The following CSMD1 variants were observed in gnomAD, a reference collection of about 807,000 sequenced individuals.
CSMD1 encodes CUB and sushi domain-containing protein 1.
In CSMD1, 213 loss-of-function variants were observed where a neutral mutation model predicts 417.5. That is an observed-to-expected ratio of 0.51 (90% CI 0.46 to 0.57). CSMD1 has a LOEUF of 0.57. Ranked by LOEUF, CSMD1 falls within the 20% of genes least tolerant of loss-of-function variation. The pLI is 0.00. For missense variants in CSMD1, 6,923 were observed against 4,529.7 expected (o/e 1.53, Z -15.17); for synonymous variants, 2,862 against 1,736.8 (o/e 1.65, Z -16.11).
At chr8:4,477,649 T>A (rs1439011421) in intron 2 of CSMD1, among the ~76,000 whole-genome samples, 1 of 152,136 alleles carries the variant, frequency 6.6e-6, no homozygotes, top group Non-Finnish European at 1.5e-5. Flanking sequence ...TAAGAAATCG[T>A]TGACTGGGTA....
rs75796049 is a variant in CSMD1, at chr8:3,557,481, A to G, written c.1344+17464T>C. Among the ~76,000 whole-genome samples the G allele has an allele frequency of 5.3e-3, 800 of 152,268 alleles. 11 individuals are homozygous for G. Among genetic ancestry groups the G allele is most frequent in the East Asian group, 0.043 (223 of 5,192 alleles). Reference sequence around the variant, plus strand: ...AGACATAGGCTTCCTTGAAAAGATAATTTAAACAACATGTCTCATTATGCA... The same window carrying G: ...AGACATAGGCTTCCTTGAAAAGATAGTTTAAACAACATGTCTCATTATGCA... On this transcript the variant is annotated intron_variant, in intron 10 of 69. Coordinates refer to ENST00000635120, the MANE Select transcript of CSMD1 (RefSeq NM_033225.6).
chr8:3,981,937 C>T (rs972309415), intron 5 of CSMD1, among the ~76,000 whole-genome samples: 11 of 151,930 alleles, frequency 7.2e-5, no homozygotes, highest in African/African-American at 2.2e-4. Flanking sequence ...TTTGGGAGGC[C>T]GAGGCAGGTG....
At chr8:3,094,800 C>CAAAAAAAAAAAAAAAAAAA (rs33991879) in intron 47 of CSMD1, among the ~76,000 whole-genome samples, 1 of 105,410 alleles carries the variant, frequency 9.5e-6, no homozygotes, top group African/African-American at 3.6e-5. Context: ...GCCCGTCTTA[C>CAAAAAAAAAAAAAAAAAAA]AAAAAAAAAA....
chr8:4,107,271 T>C (rs1459474325), intron 3 of CSMD1, among the ~76,000 whole-genome samples: 1 of 152,138 alleles, frequency 6.6e-6, no homozygotes, highest in Non-Finnish European at 1.5e-5. Context: ...TCAAAGTGCT[T>C]GCCATTTCAA....
At chr8:3,796,696 A>G (rs1435649045) in intron 5 of CSMD1, among the ~76,000 whole-genome samples, 1 of 150,742 alleles carries the variant, frequency 6.6e-6, no homozygotes, top group Non-Finnish European at 1.5e-5. Flanking sequence ...AGGTTAGAAA[A>G]GATGAGAATG....
intron 3 of CSMD1, among the ~76,000 whole-genome samples, chr8:4,064,791 C>T (rs1050212366): frequency 6.6e-6 from 1 of 152,144 alleles, no homozygotes; most frequent in African/African-American, 2.4e-5. Context: ...AAACAGCCTT[C>T]CTGTACTCCC....
chr8:4,504,077 CCTA>C (rs1802398827), intron 2 of CSMD1, among the ~76,000 whole-genome samples: 1 of 151,874 alleles, frequency 6.6e-6, no homozygotes, highest in South Asian at 2.1e-4. Context: ...CAGAAAAAAT[CCTA>C]CTATGTCCAC....
At chr8:4,702,173 G>T (rs912028656) in intron 1 of CSMD1, among the ~76,000 whole-genome samples, 2 of 152,192 alleles carry the variant, frequency 1.3e-5, no homozygotes, top group African/African-American at 4.8e-5. Flanking sequence ...TTAATACCTA[G>T]GTGATGGGTT....
At chr8:4,916,247 G>A (rs185529823) in intron 1 of CSMD1, among the ~76,000 whole-genome samples, 1 of 149,108 alleles carries the variant, frequency 6.7e-6, no homozygotes, top group Non-Finnish European at 1.5e-5. Flanking sequence ...TAGAATTTCG[G>A]CACACTACGA....
chr8:4,231,925 A>G (rs1053823270), intron 3 of CSMD1, among the ~76,000 whole-genome samples: 2 of 9,880 alleles, frequency 2.0e-4, no homozygotes, highest in Non-Finnish European at 3.6e-4. Flanking sequence ...TACATAAAAT[A>G]TGTGTTTTCC....
intron 5 of CSMD1, among the ~76,000 whole-genome samples, chr8:3,995,818 C>T (rs1009837862): frequency 6.6e-6 from 1 of 152,142 alleles, no homozygotes; most frequent in African/African-American, 2.4e-5. Flanking sequence ...AAGAGAGCAG[C>T]TAAGCTAACA....
intron 15 of CSMD1, among the ~76,000 whole-genome samples, chr8:3,401,626 G>C (rs973375837): frequency 6.6e-6 from 1 of 152,178 alleles, no homozygotes; most frequent in African/African-American, 2.4e-5. Flanking sequence ...GCTACAGTTG[G>C]AAGTGAATTT....
chr8:3,434,499 G>C (rs759463045), intron 12 of CSMD1, among the ~76,000 whole-genome samples: 79 of 152,048 alleles, frequency 5.2e-4, no homozygotes, highest in Admixed American at 1.3e-3. Context: ...ACTGCATTTT[G>C]TTATAGACAG....
At chr8:4,233,845 A>G (rs575217471) in intron 3 of CSMD1, among the ~76,000 whole-genome samples, 19 of 152,112 alleles carry the variant, frequency 1.2e-4, no homozygotes, top group Non-Finnish European at 2.2e-4. Flanking sequence ...TTATTTGGCC[A>G]TATATAAAGA....
chr8:4,532,695 A>G (rs1796891981), intron 2 of CSMD1, among the ~76,000 whole-genome samples: 1 of 113,082 alleles, frequency 8.8e-6, no homozygotes, highest in African/African-American at 3.5e-5. Context: ...CCATTCAATC[A>G]CTTTGAAAAG....
intron 2 of CSMD1, among the ~76,000 whole-genome samples, chr8:4,433,933 A>C (rs1798008766): frequency 6.6e-5 from 10 of 152,200 alleles, no homozygotes; most frequent in Admixed American, 6.5e-4. Context: ...AAAGGGGGAA[A>C]CTTGTAGAAT....
chr8:3,785,090 G>A (rs1416314583), intron 5 of CSMD1, among the ~76,000 whole-genome samples: 1 of 152,188 alleles, frequency 6.6e-6, no homozygotes, highest in Non-Finnish European at 1.5e-5. Context: ...TTTGGGTCAA[G>A]ATTGACTGAA....
At chr8:4,282,077 G>A (rs1015001807) in intron 3 of CSMD1, among the ~76,000 whole-genome samples, 3 of 152,118 alleles carry the variant, frequency 2.0e-5, no homozygotes, top group Non-Finnish European at 2.9e-5. Context: ...TAGCATCCAA[G>A]GGAAAACATT....
chr8:4,727,216 G>C (rs1404748365), intron 1 of CSMD1, among the ~76,000 whole-genome samples: 1 of 152,136 alleles, frequency 6.6e-6, no homozygotes, highest in Non-Finnish European at 1.5e-5. Context: ...ATGATGAAGA[G>C]TCCACTCAGC....
Sources: allele counts gnomAD v4.1 joint callset (sites outside exome capture counted in the v4.1 genomes callset), GRCh38; gene constraint gnomAD v4.1.1; transcripts MANE v1.5; gene names NCBI Gene and HGNC (gene_info 2026-07-23, HGNC 2026-07-21).